The following TNRC6B variants were observed in gnomAD, a reference collection of about 807,000 sequenced individuals.
TNRC6B encodes trinucleotide repeat containing adaptor 6B, also known as trinucleotide repeat-containing gene 6B protein.
In TNRC6B, 52 loss-of-function variants were observed where a neutral mutation model predicts 203.6. The ratio of observed to expected loss-of-function variants is 0.26; its 90% CI spans 0.20 to 0.32. TNRC6B has a LOEUF of 0.32. Among genes scored for constraint, TNRC6B ranks in the 10% least tolerant of loss-of-function variants. The pLI is 1.00. For synonymous variants in TNRC6B, 838 were observed against 845.7 expected (o/e 0.99, Z 0.16); for missense variants, 1,923 against 2,286.2 (o/e 0.84, Z 3.24).
chr22:40,128,551 G>A (rs1001356179), intron 3 of TNRC6B, among the ~76,000 whole-genome samples: 3 of 149,614 alleles, frequency 2.0e-5, no homozygotes, highest in Non-Finnish European at 4.4e-5. Flanking sequence ...CACGGCTCAC[G>A]GCTCACGGCT....
intron 6 of TNRC6B, among the ~76,000 whole-genome samples, chr22:40,271,541 T>G (rs908499018): frequency 7.9e-5 from 12 of 152,218 alleles, no homozygotes; most frequent in Non-Finnish European, 1.6e-4. Flanking sequence ...GAAAATTTTG[T>G]TTTTATCATT....
chr22:40,237,149 ACT>A (rs1207012932), intron 1 of TNRC6B, among the ~76,000 whole-genome samples: 1 of 152,044 alleles, frequency 6.6e-6, no homozygotes, highest in Admixed American at 6.6e-5. Flanking sequence ...ATGGCGTGAG[ACT>A]CTGTCACAAA....
chr22:40,265,897 C>T lies in TNRC6B; in HGVS notation c.1667C>T (p.Pro556Leu). 1.2e-6 allele frequency: 2 copies of T among 1,613,992 alleles called. No individual in the cohort carries two copies. The highest frequency in any genetic ancestry group is 8.5e-7 in the Non-Finnish European group (1 of 1,179,890). The change falls in exon 5 of 23, where the codon CCC becomes CTC. Residue 556 changes from proline to leucine, a missense_variant. Pro to Leu is a moderately conservative substitution (Grantham distance 98). Transcript: ENST00000454349. ...GAAAACCAAGGCAATGCCCAGGCTCCCTGTTGGGGAAGATCTTCCAGCTCC... is the reference window on the plus strand; with the variant it reads ...GAAAACCAAGGCAATGCCCAGGCTCTCTGTTGGGGAAGATCTTCCAGCTCC... ...LPENQGNAQA[P>L]CWGRSSSSTG...
At chr22:40,293,403 G>A (rs1003456743) in intron 12 of TNRC6B, among the ~76,000 whole-genome samples, 1 of 151,886 alleles carries the variant, frequency 6.6e-6, no homozygotes, top group Non-Finnish European at 1.5e-5. Context: ...ATGTTGGCCA[G>A]TCTGGTCTCG....
chr22:40,298,439 T>C (rs1039684325), intron 12 of TNRC6B, among the ~76,000 whole-genome samples: 6 of 152,186 alleles, frequency 3.9e-5, no homozygotes, highest in Non-Finnish European at 7.4e-5. Context: ...ACTGATCATA[T>C]TGAGCCTGAA....
chr22:40,096,076 A>G (rs975960044), intron 1 of TNRC6B, among the ~76,000 whole-genome samples: 4 of 152,208 alleles, frequency 2.6e-5, no homozygotes, highest in Admixed American at 2.0e-4. Flanking sequence ...AAACATGACT[A>G]TGAGACCAGC....
At position 40,334,403 on chromosome 22, in the gene TNRC6B, G is replaced by A. The variant is rs2044011968; in HGVS notation, c.*11162G>A. On this transcript the variant is annotated 3_prime_UTR_variant, in exon 23 of 23. Coordinates refer to ENST00000454349, the MANE Select transcript of TNRC6B (RefSeq NM_001162501.2). Reference sequence around the variant, plus strand: ...AAAAAAACAAAAAACCCTTCTGGGAGGAAAAAAATAAAAAGCAGATACAAC... The same window carrying A: ...AAAAAAACAAAAAACCCTTCTGGGAAGAAAAAAATAAAAAGCAGATACAAC... 6.6e-6 allele frequency: 1 copy of A among 152,498 alleles called. No individual in the cohort carries two copies. Among genetic ancestry groups the A allele is most frequent in the Admixed American group, 6.6e-5 (1 of 15,264 alleles). 9.4% of individuals were successfully genotyped at this position (152,498 alleles called of 1,614,324 possible).
chr22:40,069,172 A>G, intron 1 of TNRC6B, among the ~76,000 whole-genome samples: 1 of 152,030 alleles, frequency 6.6e-6, no homozygotes, highest in East Asian at 1.9e-4. Context: ...ATCATGCCCC[A>G]CTGCATGCAG....
chr22:40,217,091 G>T (rs1322829221), intron 1 of TNRC6B, among the ~76,000 whole-genome samples: 1 of 152,030 alleles, frequency 6.6e-6, no homozygotes, highest in Admixed American at 6.6e-5. Context: ...TAGGTGTACC[G>T]TATATCCTTC....
rs1476169691 is a variant in TNRC6B, at chr22:40,324,837, C to T, written c.*1596C>T. On this transcript the variant is annotated 3_prime_UTR_variant, in exon 23 of 23. Coordinates refer to ENST00000454349, the MANE Select transcript of TNRC6B (RefSeq NM_001162501.2). ...CTCTTCCCCCCACCTTGTAATTTTG[C>T]TTTTTTAATTTCGGTATTTAAATAC... 1 of 148,626 alleles carries T rather than the reference C, an allele frequency of 6.7e-6. No individual in the cohort carries two copies. The highest frequency in any genetic ancestry group is 1.5e-5 in the Non-Finnish European group (1 of 67,024). 9.2% of individuals were successfully genotyped at this position (148,626 alleles called of 1,614,324 possible).
At chr22:40,093,727 T>A (rs1439942399) in intron 1 of TNRC6B, among the ~76,000 whole-genome samples, 1 of 152,240 alleles carries the variant, frequency 6.6e-6, no homozygotes, top group Non-Finnish European at 1.5e-5. Flanking sequence ...AGGACAGTTG[T>A]TAAGAGCTTA....
At chr22:40,198,350 CATTA>C (rs1269649826) in intron 1 of TNRC6B, among the ~76,000 whole-genome samples, 21 of 152,220 alleles carry the variant, frequency 1.4e-4, no homozygotes, top group African/African-American at 2.4e-5. Context: ...TACATTTTTA[CATTA>C]ATTCTTTTTA....
chr22:40,172,683 T>C (rs2069013431), intron 4 of TNRC6B, among the ~76,000 whole-genome samples: 3 of 152,226 alleles, frequency 2.0e-5, no homozygotes, highest in Admixed American at 6.5e-5. Flanking sequence ...GTTATCCTCA[T>C]GGAAGAAAGT....
chr22:40,312,860 C>T, intron 18 of TNRC6B, 42 bp from the exon 19 acceptor site: 1 of 1,556,308 alleles, frequency 6.4e-7, no homozygotes, highest in Middle Eastern at 1.7e-4. Flanking sequence ...GTTATACTGA[C>T]ATTTATCTTC....
chr22:40,233,868 A>G (rs1269766466), intron 1 of TNRC6B, among the ~76,000 whole-genome samples: 2 of 152,062 alleles, frequency 1.3e-5, no homozygotes, highest in East Asian at 3.9e-4. Context: ...GGTGCCTTTC[A>G]TTTGCTGTCA....
chr22:40,268,916 A>AAAT (rs150587701), intron 5 of TNRC6B, among the ~76,000 whole-genome samples: 2,974 of 148,726 alleles, frequency 0.02, 41 homozygotes, highest in African/African-American at 0.033. Context: ...CCGTCTCAAA[A>AAAT]AATAATAATA....
intron 1 of TNRC6B, among the ~76,000 whole-genome samples, chr22:40,192,690 G>C (rs752066751): frequency 6.6e-6 from 1 of 152,164 alleles, no homozygotes; most frequent in Non-Finnish European, 1.5e-5. Flanking sequence ...TGGTGAGAAA[G>C]AGGGAGGGAT....
intron 1 of TNRC6B, among the ~76,000 whole-genome samples, chr22:40,047,350 C>T (rs968720164): frequency 4.6e-5 from 7 of 152,054 alleles, no homozygotes; most frequent in Non-Finnish European, 1.0e-4. Flanking sequence ...GCCTGTAATC[C>T]CAGCACTTTG....
intron 1 of TNRC6B, among the ~76,000 whole-genome samples, chr22:40,097,876 G>A (rs1174139677): frequency 6.6e-6 from 1 of 151,792 alleles, no homozygotes; most frequent in Non-Finnish European, 1.5e-5. Flanking sequence ...ACAGGGTCTC[G>A]CTATGTTGCC....
Sources: allele counts gnomAD v4.1 joint callset (sites outside exome capture counted in the v4.1 genomes callset), GRCh38; gene constraint gnomAD v4.1.1; transcripts MANE v1.5; gene names NCBI Gene and HGNC (gene_info 2026-07-23, HGNC 2026-07-21).